Variants in ZNF100 observed in about 807,000 individuals in gnomAD.
ZNF100 encodes zinc finger protein 100, also known as zinc finger protein 100 (Y1).
Under a neutral mutation model 15.8 loss-of-function variants are expected in ZNF100, and 12 were observed. The ratio of observed to expected loss-of-function variants is 0.76; its 90% confidence interval spans 0.49 to 1.23. The LOEUF (loss-of-function observed/expected upper bound fraction) is 1.23. Among genes scored for constraint, ZNF100 ranks in the 50% most tolerant of loss-of-function variants. The probability of loss-of-function intolerance (pLI) is 0.00; values close to 1 mark genes in which losing one functional copy is unlikely to be tolerated. For missense variants in ZNF100, 670 were observed against 635.6 expected (o/e 1.05, Z -0.58); for synonymous variants, 226 against 214.8 (o/e 1.05, Z -0.45).
At chr19:21,740,382 T>C (rs1393821951) in intron 4 of ZNF100, among the ~76,000 whole-genome samples, 3 of 151,996 alleles carry the variant, frequency 2.0e-5, no homozygotes, top group African/African-American at 7.3e-5. Context: ...AGTCATGACA[T>C]GGGTCTTGGC....
chr19:21,767,188 T>G (rs1440736922), intron 1 of ZNF100, among the ~76,000 whole-genome samples: 2 of 152,124 alleles, frequency 1.3e-5, no homozygotes, highest in Non-Finnish European at 2.9e-5. Context: ...GGTGCAGAGC[T>G]GCCAAGAGAG....
At chr19:21,736,841 AC>A (rs1242049810) in intron 4 of ZNF100, among the ~76,000 whole-genome samples, 2 of 152,224 alleles carry the variant, frequency 1.3e-5, no homozygotes, top group Non-Finnish European at 2.9e-5. Context: ...ATTCTTTGAA[AC>A]CAATGAGAAC....
chr19:21,735,534 C>T (rs1323564510), intron 4 of ZNF100, among the ~76,000 whole-genome samples: 1 of 145,200 alleles, frequency 6.9e-6, no homozygotes, highest in Non-Finnish European at 1.5e-5. Flanking sequence ...CACAGAATGG[C>T]AAGCTGGTTA....
At chr19:21,728,315 T>C (rs1038724089) in intron 4 of ZNF100, among the ~76,000 whole-genome samples, 1 of 152,074 alleles carries the variant, frequency 6.6e-6, no homozygotes, top group Non-Finnish European at 1.5e-5. Context: ...TGCCAACTTG[T>C]TTTTAATGAC....
chr19:21,747,931 G>C (rs1341648375), intron 2 of ZNF100, among the ~76,000 whole-genome samples: 2 of 151,928 alleles, frequency 1.3e-5, no homozygotes, highest in African/African-American at 4.8e-5. Flanking sequence ...TAGATAAAGG[G>C]CCCAGCATTA....
chr19:21,762,219 C>A (rs16998353), intron 2 of ZNF100, among the ~76,000 whole-genome samples: 1 of 152,106 alleles, frequency 6.6e-6, no homozygotes, highest in Non-Finnish European at 1.5e-5. Flanking sequence ...AAAACAGTCA[C>A]AAAGCTTAGC....
At chr19:21,757,665 G>A (rs1023872255) in intron 2 of ZNF100, among the ~76,000 whole-genome samples, 2 of 152,174 alleles carry the variant, frequency 1.3e-5, no homozygotes, top group African/African-American at 4.8e-5. Context: ...GCACATGCAT[G>A]TTCATTTCAG....
Position 21,727,755 on chromosome 19 carries a change from A to G in ZNF100, c.557T>C (p.Phe186Ser). 6.2e-7 allele frequency: 1 copy of G among 1,613,888 alleles called. No homozygotes were observed. Among genetic ancestry groups the G allele is most frequent in the Non-Finnish European group, 8.5e-7 (1 of 1,179,880 alleles). The change falls in exon 5 of 5, where the codon TTT (phenylalanine) becomes TCT (serine). Residue 186 changes from phenylalanine (F) to serine (S), a missense_variant. Transcript: ENST00000358296. ...IFQCDPSAKVFHTFSNSNRHK... is the reference protein window; with the variant it reads ...IFQCDPSAKVSHTFSNSNRHK... ...TCTGTTTGAATTTGAAAATGTATGA[A>G]AGACTTTTGCAGATGGATCACATTG...
chr19:21,759,351 T>C (rs961572980), intron 2 of ZNF100, among the ~76,000 whole-genome samples: 1 of 152,132 alleles, frequency 6.6e-6, no homozygotes, highest in African/African-American at 2.4e-5. Flanking sequence ...CCCTGGTAAA[T>C]AGCTGTGATT....
intron 2 of ZNF100, chr19:21,751,249 C>A (rs1434382127): frequency 1.7e-5 from 21 of 1,201,552 alleles, no homozygotes; most frequent in Non-Finnish European, 2.0e-5. Flanking sequence ...AGTCAGCCAG[C>A]CTAACCTTAG....
intron 4 of ZNF100, among the ~76,000 whole-genome samples, 184 bp from the exon 5 acceptor site, chr19:21,728,173 T>C (rs1790315999): frequency 6.7e-6 from 1 of 150,280 alleles, no homozygotes; most frequent in African/African-American, 2.4e-5. Context: ...AAAAAAATTA[T>C]AAATGAGTTA....
intron 4 of ZNF100, among the ~76,000 whole-genome samples, chr19:21,729,419 A>G (rs928828966): frequency 3.0e-5 from 4 of 133,410 alleles, no homozygotes; most frequent in African/African-American, 1.1e-4. Context: ...ATAAAAATAC[A>G]TTACTTTCGG....
At chr19:21,732,655 T>C (rs1306033576) in intron 4 of ZNF100, among the ~76,000 whole-genome samples, 2 of 149,684 alleles carry the variant, frequency 1.3e-5, no homozygotes, top group Non-Finnish European at 3.0e-5. Context: ...GTAAAATATA[T>C]AACACAAAAT....
chr19:21,758,015 C>A (rs1163980287), intron 2 of ZNF100, among the ~76,000 whole-genome samples: 1 of 151,850 alleles, frequency 6.6e-6, no homozygotes, highest in Non-Finnish European at 1.5e-5. Context: ...GCCTGTGTGA[C>A]AGAGTGAGAC....
intron 4 of ZNF100, among the ~76,000 whole-genome samples, chr19:21,743,790 A>G (rs1244336885): frequency 6.6e-6 from 1 of 151,466 alleles, no homozygotes; most frequent in Non-Finnish European, 1.5e-5. Context: ...AGATCACCAA[A>G]AGGAAAGTAG....
intron 2 of ZNF100, among the ~76,000 whole-genome samples, chr19:21,748,867 G>A (rs1393671584): frequency 6.6e-6 from 1 of 152,160 alleles, no homozygotes; most frequent in African/African-American, 2.4e-5. Context: ...ACCTCGCCTA[G>A]TTAATTTTTT....
At chr19:21,763,402 T>A (rs1022470398) in intron 2 of ZNF100, among the ~76,000 whole-genome samples, 24 of 152,052 alleles carry the variant, frequency 1.6e-4, no homozygotes, top group African/African-American at 5.8e-4. Flanking sequence ...CCATCCTGGC[T>A]AACATGGTGA....
At chr19:21,764,839 C>A (rs2036534886) in intron 2 of ZNF100, among the ~76,000 whole-genome samples, 1 of 151,966 alleles carries the variant, frequency 6.6e-6, no homozygotes, top group African/African-American at 2.4e-5. Flanking sequence ...TTCACTGTCA[C>A]AAATTTACCC....
At chr19:21,729,401 A>G (rs74814265) in intron 4 of ZNF100, among the ~76,000 whole-genome samples, 7,436 of 151,162 alleles carry the variant, frequency 0.049, 292 homozygotes, top group East Asian at 0.19. Context: ...CAAAAACAAC[A>G]CAGTCAAATA....
Sources: gnomAD v4.1 joint callset for allele counts (sites outside exome capture counted in the v4.1 genomes callset) on GRCh38, gnomAD v4.1.1 for gene constraint, MANE v1.5 for transcripts, NCBI Gene and HGNC (gene_info 2026-07-23, HGNC 2026-07-21) for gene names.